Variants in KIAA1328 observed in about 807,000 individuals in gnomAD.
The protein encoded by KIAA1328 is protein hinderin.
KIAA1328 carries 52 observed loss-of-function variants against 68.1 expected under a neutral mutation model. The ratio of observed to expected loss-of-function variants is 0.76; its 90% CI spans 0.61 to 0.96. The LOEUF is 0.96. KIAA1328 is among the 40% of genes least tolerant of loss of function. KIAA1328 has a pLI of 0.00. For missense variants in KIAA1328, 641 were observed against 677.6 expected, an observed-to-expected ratio of 0.95 and a Z score of 0.60; for synonymous variants, 232 against 239.4, an observed-to-expected ratio of 0.97 and a Z score of 0.28.
chr18:37,002,915 C>T (rs1356562566), intron 6 of KIAA1328, among the ~76,000 whole-genome samples: 1 of 152,084 alleles, frequency 6.6e-6, no homozygotes, highest in East Asian at 1.9e-4. Context: ...AGAGGTGTCA[C>T]ATTACCTGAC....
chr18:37,176,523 C>G (rs779161537), intron 9 of KIAA1328, among the ~76,000 whole-genome samples: 25 of 152,184 alleles, frequency 1.6e-4, no homozygotes, highest in Non-Finnish European at 8.8e-5. Flanking sequence ...CACCCCTAAG[C>G]TGCGTAAGAG....
intron 7 of KIAA1328, among the ~76,000 whole-genome samples, chr18:37,114,293 A>G (rs539478058): frequency 6.6e-6 from 1 of 152,334 alleles, no homozygotes; most frequent in East Asian, 1.9e-4. Flanking sequence ...AAAGAACAGA[A>G]AGTATAACAA....
chr18:36,853,263 G>T (rs562306741), intron 4 of KIAA1328, among the ~76,000 whole-genome samples: 29 of 152,238 alleles, frequency 1.9e-4, no homozygotes, highest in African/African-American at 7.0e-4. Flanking sequence ...GACTTTTAAA[G>T]ATTTACCTCC....
At chr18:36,969,883 CAG>C (rs1463968566) in intron 6 of KIAA1328, among the ~76,000 whole-genome samples, 1 of 151,968 alleles carries the variant, frequency 6.6e-6, no homozygotes. Context: ...AGAGGACAAA[CAG>C]GAGCTGGTAC....
intron 7 of KIAA1328, among the ~76,000 whole-genome samples, chr18:37,112,939 T>C (rs1005635477): frequency 2.0e-5 from 3 of 151,680 alleles, no homozygotes; most frequent in African/African-American, 4.8e-5. Flanking sequence ...TGAAATGAAG[T>C]GAGAAGAGAA....
rs548336308 is a variant in KIAA1328 at position 36,979,963 on chromosome 18, C to A, written c.576+20528C>A. Among the ~76,000 whole-genome samples the A allele has an allele frequency of 8.5e-5, 13 of 152,222 alleles. No individual in the cohort carries two copies. The East Asian group carries it at 2.5e-3, about 29-fold the overall frequency. On this transcript the variant is annotated intron_variant, in intron 6 of 9. Coordinates refer to ENST00000280020, the MANE Select transcript of KIAA1328 (RefSeq NM_020776.3). ...TTATATTTAGGTCATGAGGGTCTCA[C>A]CGTCATGAACAGAGTAATGCTGTTA... is the stretch of plus-strand genomic sequence containing the variant.
At chr18:37,190,186 G>A (rs1414514177) in intron 9 of KIAA1328, among the ~76,000 whole-genome samples, 2 of 152,074 alleles carry the variant, frequency 1.3e-5, no homozygotes, top group Non-Finnish European at 2.9e-5. Flanking sequence ...AGAGCACTTG[G>A]GAGAAACCGT....
intron 6 of KIAA1328, among the ~76,000 whole-genome samples, chr18:37,003,312 A>G (rs1220071266): frequency 6.6e-6 from 1 of 152,176 alleles, no homozygotes; most frequent in Non-Finnish European, 1.5e-5. Context: ...ACTCAAAAGC[A>G]CAGGCAACAA....
At position 37,106,343 on chromosome 18, in the gene KIAA1328, C is replaced by T. The variant is rs182289670; in HGVS notation, c.1232+38798C>T. ...TGGAAGTGGGAACTAGGAGCAACTG[C>T]CAATGGATATGAAGTTTCTTTTAGG... On this transcript the variant is annotated intron_variant, in intron 7 of 9. Transcript: ENST00000280020. 7.3e-3 allele frequency among the ~76,000 whole-genome samples: 1,111 copies of T among 151,958 alleles called. 7 individuals carry two copies. The highest frequency in any genetic ancestry group is 0.012 in the Non-Finnish European group (835 of 68,000).
chr18:36,967,790 C>A (rs955741093), intron 6 of KIAA1328, among the ~76,000 whole-genome samples: 5 of 152,064 alleles, frequency 3.3e-5, no homozygotes, highest in Admixed American at 6.6e-5. Flanking sequence ...TTCAGTGACT[C>A]CTGTGGAGTG....
chr18:36,959,070 C>T (rs2051544209), intron 5 of KIAA1328, among the ~76,000 whole-genome samples: 2 of 151,722 alleles, frequency 1.3e-5, no homozygotes, highest in Admixed American at 6.6e-5. Flanking sequence ...TTTAAAGAAT[C>T]GAGGAATAAA....
chr18:37,209,726 T>C (rs1028181435), intron 9 of KIAA1328, among the ~76,000 whole-genome samples: 2 of 151,734 alleles, frequency 1.3e-5, no homozygotes, highest in Non-Finnish European at 2.9e-5. Flanking sequence ...CCTGAGCCAC[T>C]GGGTTGATTG....
intron 7 of KIAA1328, among the ~76,000 whole-genome samples, chr18:37,113,001 G>A (rs1193873064): frequency 2.6e-5 from 4 of 152,092 alleles, no homozygotes; most frequent in African/African-American, 9.7e-5. Context: ...AAGAAATATG[G>A]GACTATGTGA....
At chr18:36,847,998 A>G (rs1183079565) in intron 4 of KIAA1328, among the ~76,000 whole-genome samples, 1 of 151,728 alleles carries the variant, frequency 6.6e-6, no homozygotes, top group African/African-American at 2.4e-5. Flanking sequence ...ATGTTGTCTT[A>G]AAATCAGGTA....
chr18:37,027,823 C>G (rs950575741), intron 6 of KIAA1328, among the ~76,000 whole-genome samples: 1 of 152,072 alleles, frequency 6.6e-6, no homozygotes, highest in African/African-American at 2.4e-5. Flanking sequence ...GACTTCATGT[C>G]TAAAACACCA....
intron 5 of KIAA1328, among the ~76,000 whole-genome samples, chr18:36,920,675 G>A (rs1953809722): frequency 6.6e-6 from 1 of 152,158 alleles, no homozygotes; most frequent in African/African-American, 2.4e-5. Flanking sequence ...AATATCTTGT[G>A]TATTACATAG....
chr18:36,983,943 A>G (rs2151382424), intron 6 of KIAA1328, among the ~76,000 whole-genome samples: 1 of 152,296 alleles, frequency 6.6e-6, no homozygotes, highest in Middle Eastern at 3.4e-3. Flanking sequence ...TACAGGTTTA[A>G]TTTAGCATTT....
chr18:36,863,322 G>A (rs1174946285), intron 4 of KIAA1328, among the ~76,000 whole-genome samples: 1 of 149,976 alleles, frequency 6.7e-6, no homozygotes, highest in South Asian at 2.1e-4. Flanking sequence ...TTGCACTTTT[G>A]TCAGAAATTG....
chr18:36,884,091 G>T (rs1380448303), intron 4 of KIAA1328, among the ~76,000 whole-genome samples: 1 of 151,924 alleles, frequency 6.6e-6, no homozygotes, highest in Admixed American at 6.6e-5. Context: ...ATAATGCCCA[G>T]AGAGATAAGC....
Sources: gnomAD v4.1 joint callset for allele counts (sites outside exome capture counted in the v4.1 genomes callset) on GRCh38, gnomAD v4.1.1 for gene constraint, MANE v1.5 for transcripts, NCBI Gene and HGNC (gene_info 2026-07-23, HGNC 2026-07-21) for gene names.